DNAJC13: variants seen among roughly 807,000 people sequenced by gnomAD.
DNAJC13 encodes dnaJ homolog subfamily C member 13.
Under a neutral mutation model 290.5 loss-of-function variants are expected in DNAJC13, and 75 were observed. The ratio of observed to expected loss-of-function variants is 0.26; its 90% confidence interval spans 0.21 to 0.31. DNAJC13 has a LOEUF of 0.31. DNAJC13 is among the 10% of genes least tolerant of loss of function. The pLI, the probability that DNAJC13 is intolerant of heterozygous loss-of-function variation, is 1.00. For synonymous variants in DNAJC13, 862 were observed against 892.0 expected (o/e 0.97, Z 0.60); for missense variants, 2,260 against 2,674.5 (o/e 0.85, Z 3.42).
chr3:132,466,065 A>G lies in DNAJC13; in HGVS notation c.1963A>G (p.Ile655Val). The G allele has an allele frequency of 6.2e-7, 1 of 1,613,688 alleles. No individual in the cohort carries two copies. The highest frequency in any genetic ancestry group is 8.5e-7 in the Non-Finnish European group (1 of 1,179,596). ...AACTGCAACAAACTTGTTGAAACGCATTTTGGTAAGTCAGTTGAGAAATTA... is the reference window on the plus strand; with the variant it reads ...AACTGCAACAAACTTGTTGAAACGCGTTTTGGTAAGTCAGTTGAGAAATTA... Reference protein sequence around the residue: ...NATATNLLKRILPPGLLAYLE... With the variant: ...NATATNLLKRVLPPGLLAYLE... The change falls in exon 18 of 56, where the codon ATT becomes GTT. Residue 655 changes from isoleucine (I) to valine (V), a missense_variant. Transcript: ENST00000260818.
At chr3:132,490,762 T>A in intron 31 of DNAJC13, 135 bp from the exon 32 acceptor site, 1 of 933,138 alleles carries the variant, frequency 1.1e-6, no homozygotes, top group Non-Finnish European at 1.5e-6. Flanking sequence ...TCCATCTACA[T>A]TCCCAAAGCA....
At position 132,450,827 on chromosome 3, in the gene DNAJC13, T is replaced by C. The variant is rs1407206681; in HGVS notation, c.517T>C (p.Tyr173His). The part of the protein sequence containing the change: ...SDYQGGFCIL[Y>H]GGFSRLHLFA... ...TTATCAAGGAGGATTTTGTATACTT[T>C]ATGGAGGATTTAGTAGATTGGTAAG... Residue 173 changes from tyrosine to histidine, a missense_variant, in exon 6 of 56, where the codon TAT becomes CAT. Coordinates refer to ENST00000260818, the MANE Select transcript of DNAJC13 (RefSeq NM_015268.4). 2 of 1,585,502 alleles carry C rather than the reference T, an allele frequency of 1.3e-6. No homozygotes were observed. The highest frequency in any genetic ancestry group is 1.4e-5 in the African/African-American group (1 of 74,008).
intron 13 of DNAJC13, among the ~76,000 whole-genome samples, chr3:132,458,582 C>T (rs1933694622): frequency 6.6e-6 from 1 of 152,028 alleles, no homozygotes; most frequent in Admixed American, 6.6e-5. Flanking sequence ...TGCTAGTGCC[C>T]CTGTCTGCAA....
At chr3:132,529,433 C>T (rs1936349147) in intron 54 of DNAJC13, among the ~76,000 whole-genome samples, 1 of 152,132 alleles carries the variant, frequency 6.6e-6, no homozygotes, top group African/African-American at 2.4e-5. Flanking sequence ...TTGTATGTTT[C>T]AAGTAAAGAA....
At position 132,529,773 on chromosome 3, in the gene DNAJC13, C is replaced by T. The variant is rs1187975179; in HGVS notation, c.6526-1225C>T. On this transcript the variant is annotated intron_variant, in intron 54 of 55. Coordinates refer to ENST00000260818, the MANE Select transcript of DNAJC13 (RefSeq NM_015268.4). ...CTGCAGTCCAGCCTGGGTGAAAGAG[C>T]GAGACTCTGTCTCAAAAAAAAAAAA... Among the ~76,000 whole-genome samples the T allele has an allele frequency of 8.2e-5, 11 of 133,632 alleles. 1 individual carries two copies. In the South Asian group the frequency reaches 9.5e-4, roughly 12 times the overall value. 87.7% of individuals were successfully genotyped at this position (133,632 alleles called of 152,430 possible).
chr3:132,430,280 C>A (rs897881716), intron 1 of DNAJC13, among the ~76,000 whole-genome samples: 1 of 151,892 alleles, frequency 6.6e-6, no homozygotes. Context: ...ATCAGTGGTA[C>A]CTATGAGGTC....
intron 13 of DNAJC13, chr3:132,457,976 T>C (rs1209392011): frequency 1.3e-5 from 2 of 152,168 alleles, no homozygotes; most frequent in East Asian, 3.8e-4. Flanking sequence ...AAGGAACACC[T>C]GAAGGATTTT....
intron 20 of DNAJC13, among the ~76,000 whole-genome samples, chr3:132,471,272 C>T (rs1391199377): frequency 2.3e-5 from 3 of 132,866 alleles, no homozygotes; most frequent in Non-Finnish European, 3.3e-5. Flanking sequence ...TCCCGGATGG[C>T]ACGGCTGGCC....
intron 13 of DNAJC13, chr3:132,457,714 A>AT (rs1933658913): frequency 6.0e-6 from 1 of 167,798 alleles, no homozygotes; most frequent in Non-Finnish European, 1.3e-5. Context: ...ATTCTCACCC[A>AT]GTCTTTCTGG....
chr3:132,436,577 C>T (rs956634490), intron 2 of DNAJC13, among the ~76,000 whole-genome samples: 4 of 152,166 alleles, frequency 2.6e-5, no homozygotes, highest in African/African-American at 9.7e-5. Context: ...TGTGGTAACT[C>T]TGTTTAACTT....
intron 17 of DNAJC13, among the ~76,000 whole-genome samples, chr3:132,464,384 C>T (rs1933907429): frequency 6.6e-6 from 1 of 152,040 alleles, no homozygotes; most frequent in African/African-American, 2.4e-5. Flanking sequence ...CTTTTTAACC[C>T]TCTTTGTGGT....
chr3:132,438,171 C>G (rs1452451252), intron 2 of DNAJC13, among the ~76,000 whole-genome samples: 1 of 151,796 alleles, frequency 6.6e-6, no homozygotes, highest in East Asian at 1.9e-4. Flanking sequence ...CATGTGTTTT[C>G]ATTTATTTAC....
Position 132,456,518 on chromosome 3 carries a change from G to A in DNAJC13, c.1117G>A (p.Ala373Thr), listed in dbSNP as rs1933603491. ...CTTTACAGATGGCAACTTTGCAGAT[G>A]CTGTATTCAGGTTCAATGCTAATAT... The part of the protein sequence containing the change: ...ATPPNGNFAD[A>T]VFRFNANISY... Residue 373 changes from alanine to threonine, a missense_variant, in exon 11 of 56, where the codon GCT becomes ACT. Ala to Thr is a moderately conservative substitution (Grantham distance 58). Coordinates refer to ENST00000260818, the MANE Select transcript of DNAJC13 (RefSeq NM_015268.4). 6.2e-7 allele frequency: 1 copy of A among 1,613,896 alleles called. No individual in the cohort carries two copies. The highest frequency in any genetic ancestry group is 1.1e-5 in the South Asian group (1 of 91,054).
chr3:132,448,281 A>G (rs921150387), intron 5 of DNAJC13, among the ~76,000 whole-genome samples: 2 of 152,318 alleles, frequency 1.3e-5, no homozygotes, highest in South Asian at 4.1e-4. Flanking sequence ...TGGAACATTC[A>G]TTCATTGTTT....
chr3:132,418,203 CT>C (rs1462009881), intron 1 of DNAJC13, among the ~76,000 whole-genome samples: 2 of 152,170 alleles, frequency 1.3e-5, no homozygotes, highest in Admixed American at 1.3e-4. Flanking sequence ...GACTGACTTT[CT>C]TTGCTTTGTT....
chr3:132,476,926 T>C (rs1328183762), intron 22 of DNAJC13, among the ~76,000 whole-genome samples: 1 of 152,194 alleles, frequency 6.6e-6, no homozygotes, highest in Admixed American at 6.5e-5. Context: ...CTATCCCCAT[T>C]TCCTGCTTTA....
chr3:132,462,737 C>A (rs1296190371), intron 16 of DNAJC13, among the ~76,000 whole-genome samples: 1 of 152,144 alleles, frequency 6.6e-6, no homozygotes, highest in Non-Finnish European at 1.5e-5. Context: ...AGTTGTAGAG[C>A]AAATAAATCT....
chr3:132,471,324 G>A (rs1425061319), intron 20 of DNAJC13, among the ~76,000 whole-genome samples: 14 of 145,290 alleles, frequency 9.6e-5, no homozygotes, highest in Admixed American at 5.4e-4. Context: ...CGGACGGGGC[G>A]GCTGGCCGGG....
Position 132,450,860 on chromosome 3 carries a change from T to TAA in DNAJC13, c.537+13_537+14insAA. 7.0e-6 allele frequency: 10 copies of TAA among 1,431,294 alleles called. No individual in the cohort carries two copies. Among genetic ancestry groups the TAA allele is most frequent in the African/African-American group, 1.5e-5 (1 of 68,530 alleles). The allele number at this position is 1,431,294 out of a possible 1,614,324, so 88.7% of individuals were successfully genotyped here. A position where few individuals can be genotyped will look rare whatever the true frequency, so the allele number is the denominator to read the frequency against. ...ATTTAGTAGATTGGTAAGTACTATT[T>TAA]TAAAAAAAAAAAACACTTTAAAAGG... On this transcript the variant is annotated intron_variant, in intron 6 of 55. Coordinates refer to ENST00000260818, the MANE Select transcript of DNAJC13 (RefSeq NM_015268.4).
Sources: allele counts gnomAD v4.1 joint callset (sites outside exome capture counted in the v4.1 genomes callset), GRCh38; gene constraint gnomAD v4.1.1; transcripts MANE v1.5; gene names NCBI Gene and HGNC (gene_info 2026-07-23, HGNC 2026-07-21).